KIF24: variants seen among roughly 807,000 people sequenced by gnomAD.
The protein encoded by KIF24 is kinesin-like protein KIF24.
Under a neutral mutation model 118.9 loss-of-function variants are expected in KIF24, and 81 were observed. That is an observed-to-expected ratio of 0.68 (90% CI 0.57 to 0.82). KIF24 has a LOEUF of 0.82. KIF24 is among the 40% of genes least tolerant of loss of function. The pLI, the probability that KIF24 is intolerant of heterozygous loss-of-function variation, is 0.00. For missense variants in KIF24, 1,560 were observed against 1,661.6 expected (o/e 0.94, Z 1.06); for synonymous variants, 599 against 610.0 (o/e 0.98, Z 0.27).
intron 6 of KIF24, among the ~76,000 whole-genome samples, chr9:34,280,461 T>A (rs1405516132): frequency 1.3e-5 from 2 of 152,082 alleles, no homozygotes; most frequent in African/African-American, 2.4e-5. Flanking sequence ...GACAAAGGAA[T>A]CCTGAGGACC....
chr9:34,271,311 G>A (rs939783849), intron 7 of KIF24, among the ~76,000 whole-genome samples: 7 of 143,048 alleles, frequency 4.9e-5, no homozygotes, highest in Admixed American at 1.5e-4. Flanking sequence ...AAACTTTTGC[G>A]GACAGCAATC....
Position 34,256,471 on chromosome 9 carries a change from A to C in KIF24, c.3136T>G (p.Ser1046Ala). 1 of 1,613,790 alleles carries C rather than the reference A, an allele frequency of 6.2e-7. No individual in the cohort carries two copies. The highest frequency in any genetic ancestry group is 8.5e-7 in the Non-Finnish European group (1 of 1,179,802). The part of the protein sequence containing the change: ...GQLGTHAEYA[S>A]GLMSPLTMSL... ...ATGGTGAGGGGAGACATGAGTCCAG[A>C]AGCATATTCAGCATGCGTGCCTAAC... Residue 1046 changes from serine to alanine, a missense_variant, in exon 11 of 13, where the codon TCT becomes GCT. Physicochemically the swap from Ser to Ala is moderately conservative, Grantham distance 99. Coordinates refer to ENST00000402558, the MANE Select transcript of KIF24 (RefSeq NM_194313.4).
At chr9:34,309,884 AT>A (rs1396548497) in intron 2 of KIF24, among the ~76,000 whole-genome samples, 1 of 152,064 alleles carries the variant, frequency 6.6e-6, no homozygotes, top group Non-Finnish European at 1.5e-5. Context: ...GAATAACAGT[AT>A]TTTTAAAAAG....
At position 34,257,215 on chromosome 9, in the gene KIF24, C is replaced by T; in HGVS notation, c.2392G>A (p.Gly798Ser). 1 of 1,614,018 alleles carries T rather than the reference C, an allele frequency of 6.2e-7. No homozygotes were observed. Among genetic ancestry groups the T allele is most frequent in the Non-Finnish European group, 8.5e-7 (1 of 1,179,908 alleles). ...RSLRQYRPPE[G>S]QLTNETPPLF... ...GGCGGAGTCTCATTCGTGAGCTGAC[C>T]CTCTGGGGGCCTGTACTGGCGTAAA... The change falls in exon 11 of 13, where the codon GGT becomes AGT. Residue 798 changes from glycine (G) to serine (S), a missense_variant. By Grantham distance (56) the Gly-to-Ser change is moderately conservative. Around this residue, in one of 3 missense-constraint regions of KIF24, gnomAD observed 964 missense variants for 988.0 expected, o/e 0.98. Transcript: ENST00000402558.
intron 5 of KIF24, among the ~76,000 whole-genome samples, chr9:34,288,160 G>A (rs566609090): frequency 6.6e-6 from 1 of 151,958 alleles, no homozygotes; most frequent in African/African-American, 2.4e-5. Flanking sequence ...GTCTACCCTT[G>A]TCAAAGCCCC....
chr9:34,322,671 T>C (rs1336675212), intron 1 of KIF24, among the ~76,000 whole-genome samples: 1 of 152,108 alleles, frequency 6.6e-6, no homozygotes. Context: ...CTGGACGACA[T>C]GGTGAAACTC....
rs150397200 is a variant in KIF24, at chr9:34,256,444, A to T, written c.3163T>A (p.Ser1055Thr). The T allele has an allele frequency of 6.8e-6, 11 of 1,613,762 alleles. No homozygotes were observed. Among genetic ancestry groups the T allele is most frequent in the African/African-American group, 2.7e-5 (2 of 74,904 alleles). Residue 1055 changes from serine (S) to threonine (T), a missense_variant, in exon 11 of 13, where the codon TCC (serine) becomes ACC (threonine). Around this residue, in one of 3 missense-constraint regions of KIF24, gnomAD observed 591 missense variants for 655.6 expected, o/e 0.90. Coordinates refer to ENST00000402558, the MANE Select transcript of KIF24 (RefSeq NM_194313.4). ...TCGTTGTCTGGGTTCTCCAGGAGGG[A>T]CATGGTGAGGGGAGACATGAGTCCA... is the stretch of plus-strand genomic sequence containing the variant. ...ASGLMSPLTM[S>T]LLENPDNEGS...
chr9:34,327,191 A>G (rs1322296852), intron 1 of KIF24, among the ~76,000 whole-genome samples: 1 of 151,976 alleles, frequency 6.6e-6, no homozygotes, highest in East Asian at 1.9e-4. Flanking sequence ...GTAGAACTCT[A>G]TTATTTATTT....
chr9:34,274,959 T>C (rs921948784), intron 6 of KIF24, among the ~76,000 whole-genome samples: 1 of 151,850 alleles, frequency 6.6e-6, no homozygotes, highest in South Asian at 2.1e-4. Context: ...ATTGAACCCA[T>C]GGACATAGAC....
chr9:34,296,556 C>A (rs1012688894), intron 4 of KIF24, among the ~76,000 whole-genome samples: 1 of 151,676 alleles, frequency 6.6e-6, no homozygotes, highest in African/African-American at 2.4e-5. Context: ...AAAAATACAT[C>A]TATGAAAAAT....
intron 2 of KIF24, among the ~76,000 whole-genome samples, chr9:34,309,970 T>C (rs74306982): frequency 7.7e-3 from 200 of 25,968 alleles, no homozygotes; most frequent in Middle Eastern, 0.062. Context: ...CAAGGAGTAC[T>C]TTTTTTTTTT....
intron 1 of KIF24, chr9:34,319,363 C>A: frequency 2.3e-6 from 2 of 873,072 alleles, no homozygotes; most frequent in Non-Finnish European, 3.9e-6. Context: ...AAACTCCTGG[C>A]TAGGCTTGGC....
intron 9 of KIF24, among the ~76,000 whole-genome samples, chr9:34,261,859 T>C (rs891259100): frequency 3.9e-5 from 6 of 152,162 alleles, no homozygotes; most frequent in African/African-American, 1.4e-4. Flanking sequence ...GTGGTCTAAG[T>C]CTTAGAGCCA....
At chr9:34,269,081 C>T (rs10972032) in intron 8 of KIF24, among the ~76,000 whole-genome samples, 176 bp downstream of exon 8, 34,142 of 152,096 alleles carry the variant, frequency 0.22, 4,471 homozygotes, top group East Asian at 0.59. Flanking sequence ...AAATAGTTGC[C>T]TAGAATTGTG....
In KIF24 at chr9:34,255,942, T is replaced by C; in HGVS notation, c.3665A>G (p.Gln1222Arg). Residue 1222 changes from glutamine to arginine, a missense_variant, in exon 11 of 13, where the codon CAG becomes CGG. Coordinates refer to ENST00000402558, the MANE Select transcript of KIF24 (RefSeq NM_194313.4). ...SSDVADQLWA[Q>R]ERKHPTRLGW... ...AAGCCTTGTAGGATGTTTTCTCTCC[T>C]GGGCCCAGAGCTGGTCAGCCACATC... 6.2e-7 allele frequency: 1 copy of C among 1,614,028 alleles called. No individual in the cohort carries two copies. Among genetic ancestry groups the C allele is most frequent in the Non-Finnish European group, 8.5e-7 (1 of 1,179,870 alleles).
intron 5 of KIF24, 134 bp from the exon 6 acceptor site, chr9:34,286,838 C>A: frequency 4.6e-6 from 3 of 649,884 alleles, no homozygotes; most frequent in Non-Finnish European, 8.2e-6. Flanking sequence ...GCTTATCCTC[C>A]TCCCAACCCC....
intron 1 of KIF24, among the ~76,000 whole-genome samples, chr9:34,327,845 A>T (rs939866504): frequency 2.6e-5 from 3 of 115,204 alleles, no homozygotes; most frequent in Non-Finnish European, 4.1e-5. Flanking sequence ...TAATAAAAAA[A>T]AAATAATAAT....
rs1837409393 is a variant in KIF24, at chr9:34,318,642, T to TCGTGTCGCTGGG, written c.-25-7283_-25-7272dup. 1 of 1,538,458 alleles carries TCGTGTCGCTGGG rather than the reference T, an allele frequency of 6.5e-7. No individual in the cohort carries two copies. The highest frequency in any genetic ancestry group is 1.3e-5 in the African/African-American group (1 of 74,402). On this transcript the variant is annotated intron_variant, in intron 1 of 12. Transcript: ENST00000402558. The surrounding 1 kb of genome is among the most constrained non-coding windows in gnomAD (Gnocchi z 4.9). ...GTGGTGGTGGCCTCGTCGTTGGGGC[T>TCGTGTCGCTGGG]CGTGTCGCTGGGCGGCAAGGCGACC... is the stretch of plus-strand genomic sequence containing the variant.
At chr9:34,314,470 T>G (rs1267548535) in intron 1 of KIF24, among the ~76,000 whole-genome samples, 2 of 151,970 alleles carry the variant, frequency 1.3e-5, no homozygotes, top group Non-Finnish European at 2.9e-5. Flanking sequence ...CCAGCCCAGT[T>G]TAGACACTTT....
Sources: allele counts gnomAD v4.1 joint callset (sites outside exome capture counted in the v4.1 genomes callset), GRCh38; gene constraint gnomAD v4.1.1; regional missense constraint gnomAD v4.1.1; non-coding constraint Gnocchi (gnomAD v3.1); transcripts MANE v1.5; gene names NCBI Gene and HGNC (gene_info 2026-07-23, HGNC 2026-07-21).